The following LYST variants were observed in gnomAD, a reference collection of about 807,000 sequenced individuals.
The protein encoded by LYST is lysosomal trafficking regulator.
LYST carries 192 observed loss-of-function variants against 413.6 expected under a neutral mutation model. The observed-to-expected ratio is 0.46, with a 90% CI of 0.41 to 0.52. The LOEUF (loss-of-function observed/expected upper bound fraction) is 0.52, where lower values mean the gene tolerates loss of function less well. LYST is among the 20% of genes least tolerant of loss of function. The pLI is 0.00. For missense variants in LYST, 3,815 were observed against 4,499.9 expected (o/e 0.85, Z 4.35); for synonymous variants, 1,525 against 1,567.3 (o/e 0.97, Z 0.64).
chr1:235,685,599 C>T (rs981447308), intron 48 of LYST, among the ~76,000 whole-genome samples: 2 of 152,110 alleles, frequency 1.3e-5, no homozygotes, highest in African/African-American at 2.4e-5. Context: ...GTAATCCCAG[C>T]ACTTTGGAGG....
Position 235,804,566 on chromosome 1 carries a change from G to A in LYST, c.3493C>T (p.Leu1165Phe). Residue 1165 changes from leucine to phenylalanine, a missense_variant, in exon 7 of 53, where the codon CTT (leucine) becomes TTT (phenylalanine). Leu to Phe is a conservative substitution (Grantham distance 22). Transcript: ENST00000389793. ...GAATAATTCCCGAGGGCAACTCGAA[G>A]CAGGGCATCAAATAAAGGCTTTGCT... Reference protein sequence around the residue: ...QLAKPLFDALLRVALGNYSAD... With the variant: ...QLAKPLFDALFRVALGNYSAD... 2 of 1,612,842 alleles carry A rather than the reference G, an allele frequency of 1.2e-6. No individual in the cohort carries two copies. The highest frequency in any genetic ancestry group is 1.7e-6 in the Non-Finnish European group (2 of 1,178,866).
rs780765109 is a variant in LYST, at chr1:235,791,940, G to A, written c.4302C>T (p.Ser1434=). The change falls in exon 12 of 53, where the codon AGC becomes AGT. Residue 1434 remains serine (S), a synonymous_variant. Transcript: ENST00000389793. ...AACTCTCTCTATCAGCCTCTTTCTTGCTCCGTGAAACTCGTGCTCTTCTCA... is the reference window on the plus strand; with the variant it reads ...AACTCTCTCTATCAGCCTCTTTCTTACTCCGTGAAACTCGTGCTCTTCTCA... ...GLLRRARVSR[S]KKEADRESFP... The A allele has an allele frequency of 6.2e-7, 1 of 1,614,102 alleles. No individual in the cohort carries two copies. Among genetic ancestry groups the A allele is most frequent in the Admixed American group, 1.7e-5 (1 of 60,024 alleles).
At chr1:235,709,341 C>T in intron 43 of LYST, 33 bp from the exon 44 acceptor site, 2 of 1,505,158 alleles carry the variant, frequency 1.3e-6, no homozygotes, top group Non-Finnish European at 1.8e-6. Context: ...ATATTTAACT[C>T]CCCCACAGCA....
chr1:235,791,510 G>A (rs577836248), intron 12 of LYST, 189 bp downstream of exon 12: 17 of 597,262 alleles, frequency 2.8e-5, no homozygotes, highest in African/African-American at 7.4e-5. Flanking sequence ...TAAAGTTTCC[G>A]TAATAGAGAT....
intron 1 of LYST, among the ~76,000 whole-genome samples, chr1:235,864,327 C>G (rs1256069109): frequency 6.6e-6 from 1 of 152,140 alleles, no homozygotes; most frequent in Non-Finnish European, 1.5e-5. Flanking sequence ...TTATTGTCTT[C>G]TAACCAACTC....
At chr1:235,874,277 T>A (rs1300862992) in intron 1 of LYST, among the ~76,000 whole-genome samples, 1 of 152,224 alleles carries the variant, frequency 6.6e-6, no homozygotes, top group African/African-American at 2.4e-5. Context: ...TTTCAGACCT[T>A]CATTCAGTTA....
Position 235,702,781 on chromosome 1 carries a change from T to A in LYST, c.10340A>T (p.Glu3447Val). Residue 3447 changes from glutamate (E) to valine (V), a missense_variant, in exon 45 of 53, where the codon GAG becomes GTG. By Grantham distance (121) the Glu-to-Val change is moderately radical. Transcript: ENST00000389793. Reference sequence around the variant, plus strand: ...GATTTCTTTGACCTGTTCTCGGGTCTCCCTGAAAGCAAACTGCACTAGCAA... The same window carrying A: ...GATTTCTTTGACCTGTTCTCGGGTCACCCTGAAAGCAAACTGCACTAGCAA... ...VGLLVQFAFR[E>V]TREQVKEITY... The A allele has an allele frequency of 6.2e-7, 1 of 1,614,182 alleles. No homozygotes were observed. Among genetic ancestry groups the A allele is most frequent in the Non-Finnish European group, 8.5e-7 (1 of 1,180,014 alleles).
rs989146359 is a variant in LYST at position 235,674,070 on chromosome 1, G to C, written c.11038+3021C>G. On this transcript the variant is annotated intron_variant, in intron 50 of 52. Coordinates refer to ENST00000389793, the MANE Select transcript of LYST (RefSeq NM_000081.4). The surrounding 1 kb of genome is among the most constrained non-coding windows in gnomAD (Gnocchi z 4.1). ...GGGCAATAAGGCATGCCAGTCTCTC[G>C]TTACTATTCCCAGAAGTTACAGGCT... 6.6e-6 allele frequency among the ~76,000 whole-genome samples: 1 copy of C among 152,084 alleles called. No individual in the cohort carries two copies. Among genetic ancestry groups the C allele is most frequent in the Admixed American group, 6.6e-5 (1 of 15,262 alleles).
At chr1:235,757,819 TA>T (rs2103344322) in intron 23 of LYST, among the ~76,000 whole-genome samples, 1 of 151,932 alleles carries the variant, frequency 6.6e-6, no homozygotes, top group African/African-American at 2.4e-5. Context: ...ACAGCATGAA[TA>T]AAACATGTCC....
chr1:235,713,095 T>C (rs1662535148), intron 42 of LYST: 3 of 985,162 alleles, frequency 3.0e-6, no homozygotes, highest in Non-Finnish European at 3.6e-6. Flanking sequence ...GTTGCTCTGC[T>C]GAGCAACATC....
At chr1:235,669,774 T>A (rs562403190) in intron 50 of LYST, among the ~76,000 whole-genome samples, 21 of 152,344 alleles carry the variant, frequency 1.4e-4, no homozygotes, top group African/African-American at 5.0e-4. Context: ...TCATTTTCAA[T>A]AAATTCCTGC....
In LYST at chr1:235,668,669, A is replaced by T. The variant is rs528027371; in HGVS notation, c.11039-4048T>A. Among the ~76,000 whole-genome samples the T allele has an allele frequency of 3.9e-5, 6 of 152,356 alleles. No homozygotes were observed. The South Asian group carries it at 1.2e-3, about 32-fold the overall frequency. On this transcript the variant is annotated intron_variant, in intron 50 of 52. Transcript: ENST00000389793. The stretch of plus-strand genomic sequence containing the variant: ...AAAGTAATTAACTTTACAAAATTCA[A>T]CTCCCTCAGGATCAGTCCTAACTTT...
In LYST at chr1:235,702,851, C is replaced by T. The variant is rs765542937; in HGVS notation, c.10270G>A (p.Gly3424Arg). 3 of 1,614,208 alleles carry T rather than the reference C, an allele frequency of 1.9e-6. No homozygotes were observed. The highest frequency in any genetic ancestry group is 2.5e-6 in the Non-Finnish European group (3 of 1,180,024). The part of the protein sequence containing the change: ...LFHMAHVSRP[G>R]AKLNIEGELP... ...TCTCCTTCAATATTGAGCTTGGCTC[C>T]AGGTCTGCTCACATGGGCCATGTGG... is the stretch of plus-strand genomic sequence containing the variant. The change falls in exon 45 of 53, where the codon GGA (glycine) becomes AGA (arginine). Residue 3424 changes from glycine (G) to arginine (R), a missense_variant. Gly to Arg is a moderately radical substitution (Grantham distance 125). Transcript: ENST00000389793.
intron 3 of LYST, among the ~76,000 whole-genome samples, chr1:235,813,793 G>A (rs1673742273): frequency 6.6e-6 from 1 of 152,216 alleles, no homozygotes; most frequent in African/African-American, 2.4e-5. Context: ...GAGAATGGGA[G>A]CTAGAGAGCT....
intron 32 of LYST, among the ~76,000 whole-genome samples, chr1:235,734,226 C>G (rs565334488): frequency 1.3e-5 from 2 of 152,026 alleles, no homozygotes; most frequent in Admixed American, 6.6e-5. Context: ...CTTCAGCTTG[C>G]TTGTCACTTT....
At chr1:235,707,316 C>T (rs918336817) in intron 44 of LYST, among the ~76,000 whole-genome samples, 4 of 151,982 alleles carry the variant, frequency 2.6e-5, no homozygotes, top group Non-Finnish European at 5.9e-5. Context: ...GTCTAGCCAA[C>T]AACATCAAAA....
chr1:235,721,960 G>A (rs1020392918), intron 39 of LYST, among the ~76,000 whole-genome samples: 2 of 152,182 alleles, frequency 1.3e-5, no homozygotes, highest in Admixed American at 6.5e-5. Context: ...CAAAGTAAAG[G>A]AGGTAAGGGG....
At position 235,809,333 on chromosome 1, in the gene LYST, C is replaced by T. The variant is rs1425510902; in HGVS notation, c.1485G>A (p.Met495Ile). 1 of 1,613,958 alleles carries T rather than the reference C, an allele frequency of 6.2e-7. No individual in the cohort carries two copies. The highest frequency in any genetic ancestry group is 1.1e-5 in the South Asian group (1 of 91,082). Reference sequence around the variant, plus strand: ...ATCGTCTGTGCCTTTTTCTTGTACACATCGAATGATGAAGTTGCTCTGATT... The same window carrying T: ...ATCGTCTGTGCCTTTTTCTTGTACATATCGAATGATGAAGTTGCTCTGATT... The part of the protein sequence containing the change: ...KVKSEQLHHS[M>I]CTRKRHRRCE... Residue 495 changes from methionine to isoleucine, a missense_variant, in exon 5 of 53, where the codon ATG becomes ATA. Physicochemically the swap from Met to Ile is conservative, Grantham distance 10 (BLOSUM62 1). Coordinates refer to ENST00000389793, the MANE Select transcript of LYST (RefSeq NM_000081.4). The surrounding 1 kb of genome is among the most constrained non-coding windows in gnomAD (Gnocchi z 4.0).
At chr1:235,723,965 G>A in intron 39 of LYST, 63 bp downstream of exon 39, 2 of 1,326,306 alleles carry the variant, frequency 1.5e-6, no homozygotes, top group Non-Finnish European at 1.1e-6. Context: ...ATCAGTATGA[G>A]TATAGTTACA....
Sources: gnomAD v4.1 joint callset for allele counts (sites outside exome capture counted in the v4.1 genomes callset) on GRCh38, gnomAD v4.1.1 for gene constraint, Gnocchi (gnomAD v3.1) non-coding constraint, MANE v1.5 for transcripts, NCBI Gene and HGNC (gene_info 2026-07-23, HGNC 2026-07-21) for gene names.